The following ST3GAL3 variants were observed in gnomAD, a reference collection of about 807,000 sequenced individuals.
ST3GAL3 encodes ST3 beta-galactoside alpha-2,3-sialyltransferase 3.
ST3GAL3 carries 21 observed loss-of-function variants against 50.1 expected under a neutral mutation model. The observed-to-expected ratio is 0.42, with a 90% CI of 0.30 to 0.60. The LOEUF is 0.60. Ranked by LOEUF, ST3GAL3 falls within the 20% of genes least tolerant of loss-of-function variation. The pLI is 0.19. For synonymous variants in ST3GAL3, 183 were observed against 190.0 expected, an observed-to-expected ratio of 0.96 and a Z score of 0.30; for missense variants, 353 against 489.4, an observed-to-expected ratio of 0.72 and a Z score of 2.63.
At chr1:43,728,890 T>C (rs1674305030) in intron 1 of ST3GAL3, among the ~76,000 whole-genome samples, 1 of 152,138 alleles carries the variant, frequency 6.6e-6, no homozygotes, top group Non-Finnish European at 1.5e-5. Flanking sequence ...TATATATTTC[T>C]GTATTATTGT....
At chr1:43,739,939 TGTA>T (rs1571864401) in intron 2 of ST3GAL3, among the ~76,000 whole-genome samples, 1 of 152,188 alleles carries the variant, frequency 6.6e-6, no homozygotes, top group African/African-American at 2.4e-5. Context: ...TTATTATACA[TGTA>T]GTATGATAAA....
chr1:43,759,065 G>GCGCGCACACACACACACACACACACA (rs60386464), intron 2 of ST3GAL3, among the ~76,000 whole-genome samples: 3 of 75,360 alleles, frequency 4.0e-5, no homozygotes, highest in African/African-American at 1.2e-4. Flanking sequence ...AAAAGCGCGC[G>GCGCGCACACACACACACACACACACA]CACACACACA....
intron 5 of ST3GAL3, among the ~76,000 whole-genome samples, chr1:43,843,090 C>T (rs2065678261): frequency 6.6e-6 from 1 of 152,214 alleles, no homozygotes; most frequent in Admixed American, 6.5e-5. Context: ...TCTTGCCTTA[C>T]TGCATTGGCT....
chr1:43,805,301 A>C (rs1160705228), intron 3 of ST3GAL3, among the ~76,000 whole-genome samples: 1 of 152,180 alleles, frequency 6.6e-6, no homozygotes. Flanking sequence ...AAATTGTCCC[A>C]CTAACCTAGC....
chr1:43,905,362 T>C (rs1310894992), intron 9 of ST3GAL3, among the ~76,000 whole-genome samples: 90 of 26,414 alleles, frequency 3.4e-3, no homozygotes, highest in Admixed American at 4.5e-3. Context: ...CCCTCCTCCT[T>C]CTGTTCCTCT....
chr1:43,889,888 G>T (rs555193901), intron 5 of ST3GAL3, among the ~76,000 whole-genome samples: 2 of 152,196 alleles, frequency 1.3e-5, no homozygotes, highest in Non-Finnish European at 2.9e-5. Flanking sequence ...AGTTACAAAT[G>T]AATGATGTAT....
intron 1 of ST3GAL3, among the ~76,000 whole-genome samples, chr1:43,728,337 C>A (rs111360609): frequency 2.1e-5 from 2 of 94,120 alleles, no homozygotes; most frequent in African/African-American, 4.3e-5. Context: ...GAAACTCCTT[C>A]TCAGAAAACA....
chr1:43,834,666 G>A (rs1015524914), intron 4 of ST3GAL3, among the ~76,000 whole-genome samples: 8 of 152,116 alleles, frequency 5.3e-5, no homozygotes, highest in African/African-American at 1.9e-4. Context: ...GTCAGCCAGG[G>A]CACCCTCCCA....
intron 2 of ST3GAL3, among the ~76,000 whole-genome samples, chr1:43,741,546 T>C (rs958505285): frequency 3.9e-5 from 6 of 152,174 alleles, no homozygotes; most frequent in African/African-American, 1.4e-4. Context: ...GGAGGACAGG[T>C]TGAAGTGAGT....
At chr1:43,915,201 C>T (rs1478816626) in intron 9 of ST3GAL3, among the ~76,000 whole-genome samples, 1 of 152,148 alleles carries the variant, frequency 6.6e-6, no homozygotes, top group South Asian at 2.1e-4. Context: ...CAGCGGAAGA[C>T]GCTGAAGAGC....
At position 43,836,115 on chromosome 1, in the gene ST3GAL3, A is replaced by G. The variant is rs149139890; in HGVS notation, c.210-2104A>G. Among the ~76,000 whole-genome samples, 858 of 152,220 alleles carry G rather than the reference A, an allele frequency of 5.6e-3. 10 individuals are homozygous for G. The highest frequency in any genetic ancestry group is 0.02 in the African/African-American group (816 of 41,534). On this transcript the variant is annotated intron_variant, in intron 4 of 11. Coordinates refer to ENST00000347631, the MANE Select transcript of ST3GAL3 (RefSeq NM_006279.5). Reference sequence around the variant, plus strand: ...GTGTGTAAATTAATTCATAGCACCAACTCACAGAGTTGTTGAGAGAGCTAA... The same window carrying G: ...GTGTGTAAATTAATTCATAGCACCAGCTCACAGAGTTGTTGAGAGAGCTAA...
intron 5 of ST3GAL3, among the ~76,000 whole-genome samples, chr1:43,881,162 C>T (rs1489552647): frequency 5.3e-5 from 8 of 152,210 alleles, no homozygotes; most frequent in Non-Finnish European, 1.0e-4. Context: ...AGACGCCCAT[C>T]ACTGTGCCTG....
At chr1:43,709,562 G>A (rs1570984290) in intron 1 of ST3GAL3, 2 of 151,690 alleles carry the variant, frequency 1.3e-5, no homozygotes, top group Non-Finnish European at 1.5e-5. Flanking sequence ...AATTTTTTTT[G>A]TAGAGACAGG....
chr1:43,899,088 G>A lies in ST3GAL3; in HGVS notation c.462-80G>A, dbSNP rs768449681. 1.3e-5 allele frequency: 21 copies of A among 1,598,534 alleles called. No homozygotes were observed. Among genetic ancestry groups the A allele is most frequent in the Admixed American group, 1.7e-5 (1 of 59,250 alleles). On this transcript the variant is annotated intron_variant, in intron 7 of 11. Transcript: ENST00000347631. This position sits in a 1 kb window ranked among gnomAD's most constrained non-coding sequence, Gnocchi z 5.4. ...CCAGCCTGGTCCTGGACAAGGGCGTGGGGTCAAGGGCCAAAGGAGCAGGGA... is the reference window on the plus strand; with the variant it reads ...CCAGCCTGGTCCTGGACAAGGGCGTAGGGTCAAGGGCCAAAGGAGCAGGGA...
intron 11 of ST3GAL3, chr1:43,921,915 A>C (rs1297904692): frequency 2.5e-6 from 1 of 397,348 alleles, no homozygotes; most frequent in African/African-American, 2.1e-5. Context: ...TCCAGTGGAC[A>C]CAACGTCATC....
At chr1:43,736,922 C>G (rs936136067) in intron 2 of ST3GAL3, 1 of 220,592 alleles carries the variant, frequency 4.5e-6, no homozygotes, top group African/African-American at 2.4e-5. Flanking sequence ...CCAGTAACTC[C>G]TAATTTTTTT....
chr1:43,930,004 A>C (rs753735819), intron 11 of ST3GAL3, 128 bp from the exon 12 acceptor site: 2 of 801,390 alleles, frequency 2.5e-6, no homozygotes, highest in African/African-American at 3.4e-5. Context: ...ACTGATTACC[A>C]GTATCTGCCT....
intron 1 of ST3GAL3, among the ~76,000 whole-genome samples, chr1:43,725,948 C>T (rs769648623): frequency 2.7e-4 from 41 of 152,092 alleles, no homozygotes; most frequent in Non-Finnish European, 4.9e-4. Context: ...CCCAGCCTCA[C>T]GTTTTATTTT....
At chr1:43,721,837 G>T (rs1298014707) in intron 1 of ST3GAL3, among the ~76,000 whole-genome samples, 1 of 152,022 alleles carries the variant, frequency 6.6e-6, no homozygotes, top group Non-Finnish European at 1.5e-5. Flanking sequence ...CTGACCTAAG[G>T]TGATCTGCCT....
Sources: allele counts gnomAD v4.1 joint callset (sites outside exome capture counted in the v4.1 genomes callset), GRCh38; gene constraint gnomAD v4.1.1; non-coding constraint Gnocchi (gnomAD v3.1); transcripts MANE v1.5; gene names NCBI Gene and HGNC (gene_info 2026-07-23, HGNC 2026-07-21).